ADAM33: variants seen among roughly 807,000 people sequenced by gnomAD.
The protein encoded by ADAM33 is ADAM metallopeptidase domain 33.
In ADAM33, 103 loss-of-function variants were observed where a neutral mutation model predicts 106.2. The observed-to-expected ratio is 0.97, with a 90% CI of 0.83 to 1.14. ADAM33 has a LOEUF of 1.14. Ranked by LOEUF, ADAM33 falls within the 50% of genes most tolerant of loss-of-function variation. ADAM33 has a pLI of 0.00. For synonymous variants in ADAM33, 483 were observed against 453.0 expected (o/e 1.07, Z -0.84); for missense variants, 1,120 against 1,096.6 (o/e 1.02, Z -0.30).
At chr20:3,674,165 G>A (rs1323494081) in intron 7 of ADAM33, 30 bp from the exon 8 acceptor site, 1 of 1,614,102 alleles carries the variant, frequency 6.2e-7, no homozygotes, top group Non-Finnish European at 8.5e-7. Flanking sequence ...GGTGGCTTGA[G>A]GGGCTGAGCT....
chr20:3,673,238 A>C (rs1432191619), intron 11 of ADAM33, 116 bp downstream of exon 11: 9 of 1,533,692 alleles, frequency 5.9e-6, no homozygotes, highest in Non-Finnish European at 7.9e-6. Context: ...AGCGGACACT[A>C]TGATCATTAT....
At position 3,673,619 on chromosome 20, in the gene ADAM33, G is replaced by C. The variant is rs751897407; in HGVS notation, c.945C>G (p.Pro315=). Residue 315 remains proline, a synonymous_variant, in exon 10 of 22, where the codon CCC becomes CCG. Coordinates refer to ENST00000356518, the MANE Select transcript of ADAM33 (RefSeq NM_025220.5). ...TCTCGGCGCGGCACATGCCCTCGAC[G>C]GGCGCCAGGCCCACTGTGGCGCCCT... is the stretch of plus-strand genomic sequence containing the variant. ...AFQGATVGLA[P]VEGMCRAESS... 1.2e-4 allele frequency: 162 copies of C among 1,359,168 alleles called. No individual in the cohort carries two copies. Among genetic ancestry groups the C allele is most frequent in the Middle Eastern group, 2.4e-4 (1 of 4,098 alleles). The allele number at this position is 1,359,168 out of a possible 1,614,324, so 84.2% of individuals were successfully genotyped here.
chr20:3,672,812 T>C lies in ADAM33; in HGVS notation c.1220A>G (p.Asn407Ser), dbSNP rs2087636169. The C allele has an allele frequency of 1.3e-6, 2 of 1,577,672 alleles. No individual in the cohort carries two copies. Among genetic ancestry groups the C allele is most frequent in the South Asian group, 1.1e-5 (1 of 88,290 alleles). The stretch of plus-strand genomic sequence containing the variant: ...CACCGGGAGTCCGGGGTCCGGGGCA[T>C]TGGAGAGGCAAGCGCCGCCCCCCTT... The part of the protein sequence containing the change: ...FRKGGGACLS[N>S]APDPGLPVPP... Residue 407 changes from asparagine to serine, a missense_variant, in exon 12 of 22, where the codon AAT becomes AGT. By Grantham distance (46) the Asn-to-Ser change is conservative. Transcript: ENST00000356518.
chr20:3,668,926 A>G lies in ADAM33; in HGVS notation c.*37T>C. On this transcript the variant is annotated 3_prime_UTR_variant, in exon 22 of 22. Transcript: ENST00000356518. ...GTTCCTGGAGTGGCTGTCAGTGGCC[A>G]CCTGTCTTTAAATCTGTTCATTTTA... is the stretch of plus-strand genomic sequence containing the variant. 2 of 1,612,028 alleles carry G rather than the reference A, an allele frequency of 1.2e-6. No homozygotes were observed. The highest frequency in any genetic ancestry group is 2.2e-5 in the East Asian group (1 of 44,836).
chr20:3,673,724 G>A, intron 9 of ADAM33, 21 bp downstream of exon 9: 1 of 1,405,978 alleles, frequency 7.1e-7, no homozygotes. Flanking sequence ...CGGGACCCGC[G>A]TCCGGGTCAG....
chr20:3,668,810 TG>T lies in ADAM33; in HGVS notation c.*152del. The T allele has an allele frequency of 1.1e-6, 1 of 871,996 alleles. No individual in the cohort carries two copies. Among genetic ancestry groups the T allele is most frequent in the Non-Finnish European group, 1.9e-6 (1 of 528,904 alleles). The allele number at this position is 871,996 out of a possible 1,614,324, so 54.0% of individuals were successfully genotyped here. ...TGTGGCTCTGGGTTCCTGGAGTGGG[TG>T]GGTCGAAGCTCCACTCGGGGAAGAA... On this transcript the variant is annotated 3_prime_UTR_variant, in exon 22 of 22. Coordinates refer to ENST00000356518, the MANE Select transcript of ADAM33 (RefSeq NM_025220.5).
At chr20:3,680,696 G>C (rs2088416168) in intron 1 of ADAM33, among the ~76,000 whole-genome samples, 3 of 152,204 alleles carry the variant, frequency 2.0e-5, no homozygotes, top group African/African-American at 7.2e-5. Flanking sequence ...ACTGAGAGTA[G>C]AGAACCAAGC....
At position 3,672,928 on chromosome 20, in the gene ADAM33, G is replaced by A. The variant is rs772698846; in HGVS notation, c.1134-30C>T. The A allele has an allele frequency of 2.3e-5, 35 of 1,522,776 alleles. No individual in the cohort carries two copies. The East Asian group carries it at 7.3e-4, about 32-fold the overall frequency. The allele number at this position is 1,522,776 out of a possible 1,614,324, so 94.3% of individuals were successfully genotyped here. A position where few individuals can be genotyped will look rare whatever the true frequency, so the allele number is the denominator to read the frequency against. On this transcript the variant is annotated intron_variant, in intron 11 of 21. Coordinates refer to ENST00000356518, the MANE Select transcript of ADAM33 (RefSeq NM_025220.5). ...CGGCACGGGGAGGGCATTGGGCATG[G>A]AGGGACAGTCCCCCAACCCCCGCGC...
At chr20:3,669,086 G>A in intron 21 of ADAM33, 86 bp from the exon 22 acceptor site, 2 of 1,469,048 alleles carry the variant, frequency 1.4e-6, no homozygotes, top group Non-Finnish European at 1.9e-6. Context: ...CTCACTCAGT[G>A]AGGACCAGTG....
chr20:3,680,757 G>A (rs370835965), intron 1 of ADAM33, among the ~76,000 whole-genome samples: 37 of 152,292 alleles, frequency 2.4e-4, no homozygotes, highest in African/African-American at 6.7e-4. Context: ...GGGTGGGCCC[G>A]GGCACAGGTG....
In ADAM33 at chr20:3,674,384, A is replaced by C; in HGVS notation, c.601-100T>G. ...AAGGAAGTTTAACATGTTTTCTGGA[A>C]CTTGTTTCTTCAGACTTCAATAAAA... On this transcript the variant is annotated intron_variant, in intron 6 of 21. Transcript: ENST00000356518. 5.6e-6 allele frequency: 9 copies of C among 1,603,564 alleles called. No homozygotes were observed. The South Asian group carries it at 8.8e-5, about 16-fold the overall frequency.
chr20:3,669,748 T>TG, intron 19 of ADAM33, 111 bp from the exon 20 acceptor site: 1 of 998,592 alleles, frequency 1.0e-6, no homozygotes, highest in Non-Finnish European at 1.5e-6. Flanking sequence ...CTGAGTTTCT[T>TG]GGGGCACCCA....
Position 3,672,262 on chromosome 20 carries a change from C to G in ADAM33, c.1469G>C (p.Gly490Ala). 1 of 1,613,350 alleles carries G rather than the reference C, an allele frequency of 6.2e-7. No individual in the cohort carries two copies. The highest frequency in any genetic ancestry group is 8.5e-7 in the Non-Finnish European group (1 of 1,180,008). ...GDCDLPEFCT[G>A]TSSHCPPDVY... ...GTCTGGGGGACAGTGGGAGGAGGTG[C>G]CCGTGCAAAACTCAGGGAGGTCACA... The change falls in exon 14 of 22, where the codon GGC (glycine) becomes GCC (alanine). Residue 490 changes from glycine (G) to alanine (A), a missense_variant. Gly to Ala is a moderately conservative substitution (Grantham distance 60, BLOSUM62 0). Coordinates refer to ENST00000356518, the MANE Select transcript of ADAM33 (RefSeq NM_025220.5).
At chr20:3,670,854 C>G in intron 19 of ADAM33, 152 bp downstream of exon 19, 1 of 1,201,310 alleles carries the variant, frequency 8.3e-7, no homozygotes, top group Non-Finnish European at 1.1e-6. Flanking sequence ...CTGGAACCTC[C>G]TGTTCAAAGC....
Position 3,675,807 on chromosome 20 carries a change from T to A in ADAM33, c.255-702A>T, listed in dbSNP as rs1016642261. 6.6e-6 allele frequency among the ~76,000 whole-genome samples: 1 copy of A among 151,812 alleles called. No homozygotes were observed. Among genetic ancestry groups the A allele is most frequent in the Admixed American group, 6.6e-5 (1 of 15,250 alleles). On this transcript the variant is annotated intron_variant, in intron 3 of 21. Transcript: ENST00000356518. This position sits in a 1 kb window ranked among gnomAD's most constrained non-coding sequence, Gnocchi z 4.1. ...GTCAATCTGTCTTCTTTAAAGAAAA[T>A]CCTTAACCCAACCTCACCTTGGCCT...
rs773762680 is a variant in ADAM33, at chr20:3,670,993, G to A, written c.2240+13C>T. The A allele has an allele frequency of 6.8e-5, 105 of 1,538,392 alleles. No individual in the cohort carries two copies. In the East Asian group the frequency reaches 2.2e-3, roughly 32 times the overall value. Reference sequence around the variant, plus strand: ...GCAGGAGTAGGCTCAGGAAGCAGGCGCTCGGAGCCTACCCACTGCACGCAG... The same window carrying A: ...GCAGGAGTAGGCTCAGGAAGCAGGCACTCGGAGCCTACCCACTGCACGCAG... On this transcript the variant is annotated intron_variant, in intron 19 of 21. Transcript: ENST00000356518.
At position 3,672,799 on chromosome 20, in the gene ADAM33, G is replaced by A. The variant is rs1027830896; in HGVS notation, c.1233C>T (p.Pro411=). 3 of 1,572,024 alleles carry A rather than the reference G, an allele frequency of 1.9e-6. No homozygotes were observed. Among genetic ancestry groups the A allele is most frequent in the African/African-American group, 1.4e-5 (1 of 73,798 alleles). ...AGAGCGCCGGCGGCACCGGGAGTCCGGGGTCCGGGGCATTGGAGAGGCAAG... is the reference window on the plus strand; with the variant it reads ...AGAGCGCCGGCGGCACCGGGAGTCCAGGGTCCGGGGCATTGGAGAGGCAAG... ...GGACLSNAPD[P]GLPVPPALCG... Residue 411 remains proline (P), a synonymous_variant, in exon 12 of 22, where the codon CCC becomes CCT. Transcript: ENST00000356518.
At chr20:3,679,465 T>A (rs750037453) in intron 2 of ADAM33, 27 bp downstream of exon 2, 64 of 1,588,514 alleles carry the variant, frequency 4.0e-5, no homozygotes, top group Non-Finnish European at 5.3e-5. Context: ...AGGGCCCCTG[T>A]GGAGGGCGGG....
Position 3,671,905 on chromosome 20 carries a change from C to T in ADAM33, c.1678G>A (p.Glu560Lys), listed in dbSNP as rs759331437. The change falls in exon 15 of 22, where the codon GAG (glutamate) becomes AAG (lysine). Residue 560 changes from glutamate to lysine, a missense_variant. Glu to Lys is a moderately conservative substitution (Grantham distance 56). Coordinates refer to ENST00000356518, the MANE Select transcript of ADAM33 (RefSeq NM_025220.5). ...CCTGCACAGGGCAGGAAGTGGCCCT[C>T]GCTGTCCTGGCCGCAGTTTCCATGA... ...DAHGNCGQDS[E>K]GHFLPCAGRD... 1.4e-5 allele frequency: 22 copies of T among 1,554,232 alleles called. No homozygotes were observed. In the Admixed American group the frequency reaches 1.6e-4, roughly 11 times the overall value.
Sources: allele counts gnomAD v4.1 joint callset (sites outside exome capture counted in the v4.1 genomes callset), GRCh38; gene constraint gnomAD v4.1.1; non-coding constraint Gnocchi (gnomAD v3.1); transcripts MANE v1.5; gene names NCBI Gene and HGNC (gene_info 2026-07-23, HGNC 2026-07-21).